Variants in DNAH10 observed in about 807,000 individuals in gnomAD.
The protein encoded by DNAH10 is dynein axonemal heavy chain 10.
Under a neutral mutation model 506.6 loss-of-function variants are expected in DNAH10, and 348 were observed. That is an observed-to-expected ratio of 0.69 (90% CI 0.63 to 0.75). The LOEUF is 0.75. Among genes scored for constraint, DNAH10 ranks in the 30% least tolerant of loss-of-function variants. The pLI, the probability that DNAH10 is intolerant of heterozygous loss-of-function variation, is 0.00. For synonymous variants in DNAH10, 2,059 were observed against 2,198.6 expected, an observed-to-expected ratio of 0.94 and a Z score of 1.78; for missense variants, 5,179 against 5,787.1, an observed-to-expected ratio of 0.89 and a Z score of 3.41.
rs183923487 is a variant in DNAH10, at chr12:123,838,513, C to T, written c.4960C>T (p.Arg1654Cys). 2,873 of 1,613,982 alleles carry T rather than the reference C, an allele frequency of 1.8e-3. 39 individuals are homozygous for T. Among genetic ancestry groups the T allele is most frequent in the East Asian group, 7.8e-4 (35 of 44,878 alleles). ...CAAGAGGTGCTGTGAAGCCCCAAAC[C>T]GCCTCAGTGACCTACAGAACGTCAG... ...VIKRCCEAPN[R>C]LSDLQNVSEG... Residue 1654 changes from arginine to cysteine, a missense_variant, in exon 29 of 79, where the codon CGC becomes TGC. Around this residue, in one of 3 missense-constraint regions of DNAH10, gnomAD observed 4,844 missense variants for 5,430.5 expected, o/e 0.89. Coordinates refer to ENST00000673944, the MANE Select transcript of DNAH10 (RefSeq NM_001372106.1).
At chr12:123,791,286 T>A (rs1284276876) in intron 11 of DNAH10, among the ~76,000 whole-genome samples, 5 of 151,568 alleles carry the variant, frequency 3.3e-5, no homozygotes, top group East Asian at 3.9e-4. Context: ...GGAGGCAGAG[T>A]CCATCAGAGA....
Position 123,771,408 on chromosome 12 carries a change from G to A in DNAH10, c.299-193G>A, listed in dbSNP as rs74638843. Among the ~76,000 whole-genome samples, 997 of 152,252 alleles carry A rather than the reference G, an allele frequency of 6.5e-3. 9 individuals are homozygous for A. Among genetic ancestry groups the A allele is most frequent in the African/African-American group, 0.023 (952 of 41,540 alleles). On this transcript the variant is annotated intron_variant, in intron 2 of 78. Transcript: ENST00000673944. ...TTCTGATGGACACCCTGTCAAAAAC[G>A]AAACACAATTCTTGTCAATTACAAT...
At chr12:123,915,376 C>T (rs971202917) in intron 62 of DNAH10, among the ~76,000 whole-genome samples, 1 of 152,118 alleles carries the variant, frequency 6.6e-6, no homozygotes, top group African/African-American at 2.4e-5. Context: ...AATTCACATA[C>T]CACACCTTTC....
chr12:123,795,235 T>C (rs1468679460), intron 12 of DNAH10, among the ~76,000 whole-genome samples: 1 of 151,652 alleles, frequency 6.6e-6, no homozygotes, highest in Non-Finnish European at 1.5e-5. Flanking sequence ...TAGGTGAGCA[T>C]AAGGTAGTAT....
chr12:123,771,613 C>A lies in DNAH10; in HGVS notation c.311C>A (p.Ser104Ter). The A allele has an allele frequency of 1.9e-6, 3 of 1,613,572 alleles. No homozygotes were observed. Among genetic ancestry groups the A allele is most frequent in the Non-Finnish European group, 2.5e-6 (3 of 1,179,742 alleles). ...SVDKVRAKRV[S>*]LRTESLGQPL... ...TGCTGTTTTGCAGCTAAGCGTGTGT[C>A]ACTGAGAACCGAATCTCTAGGCCAA... Residue 104 changes from serine to a stop codon, truncating the protein, a stop_gained, in exon 3 of 79, where the codon TCA (serine) becomes TAA (stop). Coordinates refer to ENST00000673944, the MANE Select transcript of DNAH10 (RefSeq NM_001372106.1). LOFTEE classifies it high-confidence loss of function.
At chr12:123,776,166 C>T (rs985369922) in intron 5 of DNAH10, among the ~76,000 whole-genome samples, 57 of 152,016 alleles carry the variant, frequency 3.7e-4, no homozygotes, top group African/African-American at 1.4e-3. Context: ...GGTGGGGACA[C>T]GGCCAAACCA....
rs1198807059 is a variant in DNAH10 at position 123,935,662 on chromosome 12, A to C, written c.*181A>C. The C allele has an allele frequency of 1.1e-5, 6 of 569,598 alleles. No individual in the cohort carries two copies. The highest frequency in any genetic ancestry group is 9.3e-5 in the African/African-American group (5 of 54,032). 35.3% of individuals were successfully genotyped at this position (569,598 alleles called of 1,614,324 possible). ...ATTAACCTGAATGGTTTTGTTTTTAATACTACTTTTTAAAAGGAATTTATA... is the reference window on the plus strand; with the variant it reads ...ATTAACCTGAATGGTTTTGTTTTTACTACTACTTTTTAAAAGGAATTTATA... On this transcript the variant is annotated 3_prime_UTR_variant, in exon 79 of 79. Coordinates refer to ENST00000673944, the MANE Select transcript of DNAH10 (RefSeq NM_001372106.1).
At chr12:123,866,554 A>T (rs961764116) in intron 41 of DNAH10, among the ~76,000 whole-genome samples, 4 of 152,050 alleles carry the variant, frequency 2.6e-5, no homozygotes, top group Non-Finnish European at 5.9e-5. Context: ...ACACTTATTT[A>T]ATTTCAGATA....
intron 35 of DNAH10, 84 bp downstream of exon 35, chr12:123,851,160 CTCCGTGTGGCTCT>C: frequency 1.4e-6 from 2 of 1,391,654 alleles, no homozygotes; most frequent in African/African-American, 2.9e-5. Context: ...GACGCGTTAG[CTCCGTGTGGCTCT>C]TCCAGACGGG....
chr12:123,799,189 G>GTA, intron 13 of DNAH10, 57 bp from the exon 14 acceptor site: 4 of 1,220,162 alleles, frequency 3.3e-6, no homozygotes, highest in South Asian at 2.1e-5. Context: ...TGTGTAGAGC[G>GTA]AGATGAAAAA....
Position 123,762,441 on chromosome 12 carries a change from G to T in DNAH10, c.105G>T (p.Gln35His). The part of the protein sequence containing the change: ...FEDLLNRDDG[Q>H]GEDLILHFLN... ...ACCTGCTCAACCGCGACGACGGCCA[G>T]GGCGAGGACCTCATCTTGCACTTCC... is the stretch of plus-strand genomic sequence containing the variant. Residue 35 changes from glutamine to histidine, a missense_variant, in exon 1 of 79, where the codon CAG becomes CAT. By Grantham distance (24) the Gln-to-His change is conservative. Transcript: ENST00000673944. The surrounding 1 kb of genome is among the most constrained non-coding windows in gnomAD (Gnocchi z 5.0). 6.9e-7 allele frequency: 1 copy of T among 1,453,938 alleles called. No homozygotes were observed. Among genetic ancestry groups the T allele is most frequent in the South Asian group, 1.4e-5 (1 of 71,306 alleles). The allele number at this position is 1,453,938 out of a possible 1,614,324, so 90.1% of individuals were successfully genotyped here. A position where few individuals can be genotyped will look rare whatever the true frequency, so the allele number is the denominator to read the frequency against.
rs1954508561 is a variant in DNAH10, at chr12:123,916,974, G to A, written c.11002+238G>A. Among the ~76,000 whole-genome samples, 1 of 152,176 alleles carries A rather than the reference G, an allele frequency of 6.6e-6. No individual in the cohort carries two copies. The highest frequency in any genetic ancestry group is 2.4e-5 in the African/African-American group (1 of 41,432). On this transcript the variant is annotated intron_variant, in intron 63 of 78. Transcript: ENST00000673944. This position sits in a 1 kb window ranked among gnomAD's most constrained non-coding sequence, Gnocchi z 4.6. ...CGTGGGCTTATGTGTTCACACATGG[G>A]GTGGGATGGGACCTCTGACTGTGGG...
intron 50 of DNAH10, among the ~76,000 whole-genome samples, chr12:123,881,258 G>A (rs139762838): frequency 0.012 from 1,800 of 152,276 alleles, 37 homozygotes; most frequent in African/African-American, 0.04. Flanking sequence ...CTAGTTTACA[G>A]TCTCACCAAC....
At chr12:123,803,503 T>C (rs1237411880) in intron 16 of DNAH10, among the ~76,000 whole-genome samples, 158 bp from the exon 17 acceptor site, 1 of 152,202 alleles carries the variant, frequency 6.6e-6, no homozygotes, top group Non-Finnish European at 1.5e-5. Context: ...CCCTTAGGGT[T>C]CAAAGTGGAT....
intron 30 of DNAH10, among the ~76,000 whole-genome samples, chr12:123,843,406 C>T (rs1262497564): frequency 1.3e-5 from 2 of 152,128 alleles, no homozygotes; most frequent in Non-Finnish European, 2.9e-5. Flanking sequence ...CAAGGCCCGT[C>T]TTTGTTCATC....
chr12:123,896,162 G>T (rs1299692057), intron 54 of DNAH10, among the ~76,000 whole-genome samples: 217 of 144,796 alleles, frequency 1.5e-3, no homozygotes, highest in East Asian at 5.5e-3. Flanking sequence ...GAGAGAGAGA[G>T]AGAGAGAGAG....
In DNAH10 at chr12:123,796,818, G is replaced by A. The variant is rs752199827; in HGVS notation, c.2149G>A (p.Asp717Asn). The change falls in exon 13 of 79, where the codon GAT becomes AAT. Residue 717 changes from aspartate (D) to asparagine (N), a missense_variant. Coordinates refer to ENST00000673944, the MANE Select transcript of DNAH10 (RefSeq NM_001372106.1). ...AGAGGTACAAGAGATACTGGACAGT[G>A]ATCGAGGACAGGAGGTATGTTGCTC... ...FQEVQEILDS[D>N]RGQEVKQKYL... 3 of 1,609,518 alleles carry A rather than the reference G, an allele frequency of 1.9e-6. No homozygotes were observed. The highest frequency in any genetic ancestry group is 2.5e-6 in the Non-Finnish European group (3 of 1,178,688).
Position 123,762,640 on chromosome 12 carries a change from C to G in DNAH10, c.214+90C>G, listed in dbSNP as rs1956870143. ...GGCGCCGGGGCTGCTAGAGCCTGCC[C>G]ATCGTCCGGCCCCGGCCTCAGGTGC... is the stretch of plus-strand genomic sequence containing the variant. On this transcript the variant is annotated intron_variant, in intron 1 of 78. Transcript: ENST00000673944. This position sits in a 1 kb window ranked among gnomAD's most constrained non-coding sequence, Gnocchi z 5.0. 1 of 1,358,476 alleles carries G rather than the reference C, an allele frequency of 7.4e-7. No homozygotes were observed. Among genetic ancestry groups the G allele is most frequent in the South Asian group, 1.4e-5 (1 of 72,834 alleles). 84.2% of individuals were successfully genotyped at this position (1,358,476 alleles called of 1,614,324 possible).
At position 123,919,770 on chromosome 12, in the gene DNAH10, G is replaced by A. The variant is rs1370744340; in HGVS notation, c.11506+821G>A. The stretch of plus-strand genomic sequence containing the variant: ...CACTCCGTGACCTCACGGTTCATCC[G>A]TGTTGCTGCGTGTGTCAGCGCTTCA... On this transcript the variant is annotated intron_variant, in intron 65 of 78. Coordinates refer to ENST00000673944, the MANE Select transcript of DNAH10 (RefSeq NM_001372106.1). This position sits in a 1 kb window ranked among gnomAD's most constrained non-coding sequence, Gnocchi z 4.9. Among the ~76,000 whole-genome samples the A allele has an allele frequency of 6.6e-5, 10 of 152,228 alleles. No individual in the cohort carries two copies. The highest frequency in any genetic ancestry group is 2.1e-4 in the South Asian group (1 of 4,834).
Sources: allele counts gnomAD v4.1 joint callset (sites outside exome capture counted in the v4.1 genomes callset), GRCh38; gene constraint gnomAD v4.1.1; regional missense constraint gnomAD v4.1.1; non-coding constraint Gnocchi (gnomAD v3.1); transcripts MANE v1.5; gene names NCBI Gene and HGNC (gene_info 2026-07-23, HGNC 2026-07-21).